Variants in NNT observed in about 807,000 individuals in gnomAD.
NNT encodes the protein NAD(P) transhydrogenase, mitochondrial.
NNT carries 50 observed loss-of-function variants against 104.8 expected under a neutral mutation model. That is an observed-to-expected ratio of 0.48 (90% CI 0.38 to 0.60). The LOEUF is 0.60. Among genes scored for constraint, NNT ranks in the 20% least tolerant of loss-of-function variants. The pLI is 0.00. For synonymous variants in NNT, 461 were observed against 490.4 expected (o/e 0.94, Z 0.79); for missense variants, 1,131 against 1,330.7 (o/e 0.85, Z 2.33).
At chr5:43,670,441 G>A (rs985053601) in intron 17 of NNT, among the ~76,000 whole-genome samples, 13 of 151,968 alleles carry the variant, frequency 8.6e-5, no homozygotes, top group South Asian at 8.3e-4. Flanking sequence ...TTCCCTCTAC[G>A]CACTGCTTTG....
At chr5:43,691,079 G>A (rs1221716455) in intron 19 of NNT, among the ~76,000 whole-genome samples, 1 of 146,562 alleles carries the variant, frequency 6.8e-6, no homozygotes, top group Non-Finnish European at 1.5e-5. Flanking sequence ...GAGTGTGTGT[G>A]TGTGTGTGTG....
rs530087848 is a variant in NNT, at chr5:43,654,825, C to T, written c.2060-1015C>T. ...TTCCCAGTGGAACACTGGCTTTAGG[C>T]CTCCTTTTATACTTCCTCAGGAAAG... On this transcript the variant is annotated intron_variant, in intron 14 of 21. Transcript: ENST00000344920. Among the ~76,000 whole-genome samples the T allele has an allele frequency of 1.8e-3, 279 of 152,294 alleles. 2 individuals carry two copies. Among genetic ancestry groups the T allele is most frequent in the African/African-American group, 6.5e-3 (269 of 41,556 alleles).
At chr5:43,679,121 A>G (rs191313096) in intron 19 of NNT, among the ~76,000 whole-genome samples, 1 of 152,166 alleles carries the variant, frequency 6.6e-6, no homozygotes, top group East Asian at 1.9e-4. Context: ...TTAGTTACTT[A>G]TTCCAATTTT....
chr5:43,647,302 A>T (rs1327249298), intron 10 of NNT, among the ~76,000 whole-genome samples: 1 of 152,242 alleles, frequency 6.6e-6, no homozygotes, highest in Non-Finnish European at 1.5e-5. Flanking sequence ...TGTGTTGTAC[A>T]TGGAACATAT....
chr5:43,641,736 C>T (rs1751251622), intron 7 of NNT, among the ~76,000 whole-genome samples: 4 of 152,124 alleles, frequency 2.6e-5, no homozygotes, highest in Admixed American at 2.6e-4. Flanking sequence ...TGATACCCTT[C>T]AGTCTGTACA....
At chr5:43,606,807 T>C (rs1001599715) in intron 1 of NNT, among the ~76,000 whole-genome samples, 5 of 152,196 alleles carry the variant, frequency 3.3e-5, no homozygotes, top group Admixed American at 2.0e-4. Flanking sequence ...AATTCCAGTT[T>C]GATTCTACAA....
chr5:43,619,257 C>T (rs3792915), intron 5 of NNT, 138 bp downstream of exon 5: 15,523 of 379,584 alleles, frequency 0.041, 454 homozygotes, highest in East Asian at 0.11. Flanking sequence ...AAATATTTCA[C>T]GAAACCTCAA....
chr5:43,613,914 A>G (rs1749640378), intron 3 of NNT, among the ~76,000 whole-genome samples: 1 of 152,190 alleles, frequency 6.6e-6, no homozygotes, highest in African/African-American at 2.4e-5. Context: ...CATAAAGCCC[A>G]CTGAATAACT....
Position 43,702,675 on chromosome 5 carries a change from A to T in NNT, c.3050A>T (p.Gln1017Leu). ...AATGACACTGTTAATTCAGCAGCTC[A>T]AGAAGATCCCAACTCTATTATTGCA... ...GANDTVNSAAQEDPNSIIAGM... is the reference protein window; with the variant it reads ...GANDTVNSAALEDPNSIIAGM... Residue 1017 changes from glutamine to leucine, a missense_variant, in exon 21 of 22, where the codon CAA (glutamine) becomes CTA (leucine). Coordinates refer to ENST00000344920, the MANE Select transcript of NNT (RefSeq NM_182977.3). The T allele has an allele frequency of 6.2e-7, 1 of 1,613,316 alleles. No homozygotes were observed.
At chr5:43,680,313 A>G (rs1741635350) in intron 19 of NNT, among the ~76,000 whole-genome samples, 1 of 152,176 alleles carries the variant, frequency 6.6e-6, no homozygotes, top group South Asian at 2.1e-4. Context: ...TTTGAACAAG[A>G]GATGGCTGCA....
chr5:43,704,402 T>TA lies in NNT; in HGVS notation c.*1dup. 1 of 1,613,406 alleles carries TA rather than the reference T, an allele frequency of 6.2e-7. No individual in the cohort carries two copies. Among genetic ancestry groups the TA allele is most frequent in the Non-Finnish European group, 8.5e-7 (1 of 1,179,550 alleles). ...GAAAGTTAGAGAATCCTATCAGAAG[T>TA]AAATATTAAGGATCAAGCTGTTAGC... is the stretch of plus-strand genomic sequence containing the variant. ...QAKVRESYQK[*] is the part of the protein sequence containing the mutation. The change falls in exon 22 of 22, where the codon TAA becomes TAAA. Residue 1087 remains the stop codon, a frameshift_variant and stop_retained_variant. Coordinates refer to ENST00000344920, the MANE Select transcript of NNT (RefSeq NM_182977.3). LOFTEE classifies it high-confidence loss of function.
At chr5:43,641,213 T>C (rs1751216052) in intron 7 of NNT, among the ~76,000 whole-genome samples, 1 of 152,144 alleles carries the variant, frequency 6.6e-6, no homozygotes, top group Non-Finnish European at 1.5e-5. Context: ...TCAGTCTTTC[T>C]CTCTCTGGAC....
chr5:43,701,951 T>C (rs1025598461), intron 20 of NNT, among the ~76,000 whole-genome samples: 1 of 152,016 alleles, frequency 6.6e-6, no homozygotes, highest in Non-Finnish European at 1.5e-5. Context: ...ATTTATTTTA[T>C]TTTATTTTAT....
chr5:43,610,981 T>C (rs537603664), intron 2 of NNT, among the ~76,000 whole-genome samples: 2 of 152,330 alleles, frequency 1.3e-5, no homozygotes, highest in East Asian at 3.9e-4. Flanking sequence ...ATAAGTTCAT[T>C]ACCATATTGA....
At chr5:43,670,404 C>T (rs1328231676) in intron 17 of NNT, among the ~76,000 whole-genome samples, 1 of 152,182 alleles carries the variant, frequency 6.6e-6, no homozygotes, top group African/African-American at 2.4e-5. Context: ...TTTCTGCTTT[C>T]TCTTGTGGGC....
intron 20 of NNT, among the ~76,000 whole-genome samples, chr5:43,700,452 C>T (rs543503430): frequency 6.6e-6 from 1 of 152,058 alleles, no homozygotes; most frequent in African/African-American, 2.4e-5. Context: ...TTTTCTCCTC[C>T]GTGAAGAACT....
chr5:43,653,284 G>A, intron 14 of NNT, 71 bp downstream of exon 14: 1 of 1,354,570 alleles, frequency 7.4e-7, no homozygotes, highest in South Asian at 1.7e-5. Context: ...GGTCCATATT[G>A]ATGAAATAAT....
intron 2 of NNT, among the ~76,000 whole-genome samples, chr5:43,610,998 TAGTA>T (rs1177514524): frequency 1.3e-5 from 2 of 152,172 alleles, no homozygotes; most frequent in Admixed American, 6.5e-5. Flanking sequence ...TTGAAAAGTG[TAGTA>T]AGTAATTCCA....
intron 19 of NNT, among the ~76,000 whole-genome samples, chr5:43,684,409 A>T (rs919536494): frequency 2.0e-5 from 3 of 152,180 alleles, no homozygotes. Context: ...GAGTGAATTC[A>T]TCAGAACGGC....
Sources: allele counts gnomAD v4.1 joint callset (sites outside exome capture counted in the v4.1 genomes callset), GRCh38; gene constraint gnomAD v4.1.1; transcripts MANE v1.5; gene names NCBI Gene and HGNC (gene_info 2026-07-23, HGNC 2026-07-21).